GALNT18: variants seen among roughly 807,000 people sequenced by gnomAD.
The protein encoded by GALNT18 is GalNAc-transferase 18.
A neutral mutation model predicts 69.5 loss-of-function variants in GALNT18; 44 were observed. The ratio of observed to expected loss-of-function variants is 0.63; its 90% CI spans 0.50 to 0.81. GALNT18 has a LOEUF of 0.81. Among genes scored for constraint, GALNT18 ranks in the 40% least tolerant of loss-of-function variants. The probability of loss-of-function intolerance (pLI) is 0.00; values close to 1 mark genes in which losing one functional copy is unlikely to be tolerated. For missense variants in GALNT18, 715 were observed against 810.0 expected (o/e 0.88, Z 1.42); for synonymous variants, 364 against 318.2 (o/e 1.14, Z -1.53).
In GALNT18 at chr11:11,563,390, C is replaced by T. The variant is rs1236990116; in HGVS notation, c.235+57969G>A. On this transcript the variant is annotated intron_variant, in intron 1 of 10. Transcript: ENST00000227756. This position sits in a 1 kb window ranked among gnomAD's most constrained non-coding sequence, Gnocchi z 4.6. ...AGATCTGGACAGACAGGGTCTGCTGCCTTTAACTGCATTACTCTGAAGGTG... is the reference window on the plus strand; with the variant it reads ...AGATCTGGACAGACAGGGTCTGCTGTCTTTAACTGCATTACTCTGAAGGTG... 1.3e-5 allele frequency among the ~76,000 whole-genome samples: 2 copies of T among 152,170 alleles called. No individual in the cohort carries two copies. The highest frequency in any genetic ancestry group is 4.8e-5 in the African/African-American group (2 of 41,442).
At chr11:11,445,549 T>C (rs1391371835) in intron 2 of GALNT18, among the ~76,000 whole-genome samples, 1 of 152,178 alleles carries the variant, frequency 6.6e-6, no homozygotes, top group Non-Finnish European at 1.5e-5. Context: ...GGAGGCACTG[T>C]TTTACCTAAG....
intron 1 of GALNT18, among the ~76,000 whole-genome samples, chr11:11,509,439 A>C (rs575132483): frequency 6.6e-6 from 1 of 152,322 alleles, no homozygotes; most frequent in South Asian, 2.1e-4. Flanking sequence ...GAGCACTGTG[A>C]TTCTTAGGAC....
chr11:11,521,679 A>G (rs910073706), intron 1 of GALNT18, among the ~76,000 whole-genome samples: 1 of 152,174 alleles, frequency 6.6e-6, no homozygotes, highest in Non-Finnish European at 1.5e-5. Context: ...AAAATTGCTC[A>G]AAGCCACCTT....
intron 1 of GALNT18, among the ~76,000 whole-genome samples, chr11:11,610,961 T>C (rs1859884277): frequency 6.6e-6 from 1 of 152,198 alleles, no homozygotes; most frequent in African/African-American, 2.4e-5. Flanking sequence ...CAAAGCATTA[T>C]AACTGCAATA....
At position 11,538,511 on chromosome 11, in the gene GALNT18, G is replaced by T. The variant is rs1857835743; in HGVS notation, c.235+82848C>A. On this transcript the variant is annotated intron_variant, in intron 1 of 10. Coordinates refer to ENST00000227756, the MANE Select transcript of GALNT18 (RefSeq NM_198516.3). This position sits in a 1 kb window ranked among gnomAD's most constrained non-coding sequence, Gnocchi z 5.2. ...GACCAGCATACCACAAGCACCCTGTGGCCTCAGCAACTAGTGTGAACTTTT... is the reference window on the plus strand; with the variant it reads ...GACCAGCATACCACAAGCACCCTGTTGCCTCAGCAACTAGTGTGAACTTTT... 6.6e-6 allele frequency among the ~76,000 whole-genome samples: 1 copy of T among 152,216 alleles called. No individual in the cohort carries two copies. The highest frequency in any genetic ancestry group is 1.5e-5 in the Non-Finnish European group (1 of 68,040).
At chr11:11,274,650 A>G (rs904072660) in intron 10 of GALNT18, among the ~76,000 whole-genome samples, 2 of 152,208 alleles carry the variant, frequency 1.3e-5, no homozygotes, top group African/African-American at 2.4e-5. Context: ...TGCTGCACCC[A>G]TCAACCTGTC....
intron 1 of GALNT18, among the ~76,000 whole-genome samples, chr11:11,572,844 C>T (rs1858825840): frequency 6.6e-6 from 1 of 152,184 alleles, no homozygotes; most frequent in Non-Finnish European, 1.5e-5. Flanking sequence ...CATGAGTTGC[C>T]ATTTTGAATT....
Position 11,514,231 on chromosome 11 carries a change from C to A in GALNT18, c.236-65295G>T, listed in dbSNP as rs190493654. 3.9e-5 allele frequency among the ~76,000 whole-genome samples: 6 copies of A among 152,348 alleles called. No individual in the cohort carries two copies. In the East Asian group the frequency reaches 1.2e-3, roughly 29 times the overall value. Reference sequence around the variant, plus strand: ...GTAAGTGTTGGGGCCTATGCTTAAACCATATCTAGGTACTGGAGCTCCAAA... The same window carrying A: ...GTAAGTGTTGGGGCCTATGCTTAAAACATATCTAGGTACTGGAGCTCCAAA... On this transcript the variant is annotated intron_variant, in intron 1 of 10. Transcript: ENST00000227756.
chr11:11,416,836 C>G (rs1442081676), intron 3 of GALNT18, among the ~76,000 whole-genome samples: 1 of 152,180 alleles, frequency 6.6e-6, no homozygotes, highest in Non-Finnish European at 1.5e-5. Flanking sequence ...CATGGCACCT[C>G]AAAATGATAG....
rs530253605 is a variant in GALNT18, at chr11:11,377,866, G to T, written c.780-487C>A. 6.6e-6 allele frequency among the ~76,000 whole-genome samples: 1 copy of T among 152,192 alleles called. No individual in the cohort carries two copies. The highest frequency in any genetic ancestry group is 2.1e-4 in the South Asian group (1 of 4,810). Reference sequence around the variant, plus strand: ...TCCACCAGCCATGCGATGTTGCCCTGGAATGCCAGCTGTGCCACATCCACC... The same window carrying T: ...TCCACCAGCCATGCGATGTTGCCCTTGAATGCCAGCTGTGCCACATCCACC... On this transcript the variant is annotated intron_variant, in intron 4 of 10. Coordinates refer to ENST00000227756, the MANE Select transcript of GALNT18 (RefSeq NM_198516.3). This position sits in a 1 kb window ranked among gnomAD's most constrained non-coding sequence, Gnocchi z 4.6.
intron 6 of GALNT18, among the ~76,000 whole-genome samples, chr11:11,342,423 A>C (rs1010206189): frequency 6.6e-6 from 1 of 152,198 alleles, no homozygotes; most frequent in Admixed American, 6.5e-5. Flanking sequence ...CAGATATATA[A>C]CATGTACCCA....
chr11:11,274,616 A>G (rs1848898983), intron 10 of GALNT18, among the ~76,000 whole-genome samples: 1 of 152,188 alleles, frequency 6.6e-6, no homozygotes, highest in African/African-American at 2.4e-5. Context: ...TTTGTTACAT[A>G]GGTATATGCA....
At chr11:11,449,587 T>C (rs567654317) in intron 1 of GALNT18, among the ~76,000 whole-genome samples, 14 of 152,366 alleles carry the variant, frequency 9.2e-5, no homozygotes, top group African/African-American at 2.9e-4. Flanking sequence ...GCCCTGCTCA[T>C]GGGAGCCCTT....
At chr11:11,408,393 A>AATAT (rs1231126053) in intron 3 of GALNT18, among the ~76,000 whole-genome samples, 3 of 148,806 alleles carry the variant, frequency 2.0e-5, no homozygotes, top group Non-Finnish European at 3.0e-5. Context: ...AAAAAAAAGG[A>AATAT]ATATACCGCC....
At chr11:11,527,968 T>A (rs1857558023) in intron 1 of GALNT18, among the ~76,000 whole-genome samples, 1 of 152,250 alleles carries the variant, frequency 6.6e-6, no homozygotes, top group African/African-American at 2.4e-5. Context: ...ATATACCAGA[T>A]ACTGTGCTAA....
At chr11:11,378,493 C>T (rs935860400) in intron 4 of GALNT18, among the ~76,000 whole-genome samples, 2 of 152,212 alleles carry the variant, frequency 1.3e-5, no homozygotes, top group African/African-American at 2.4e-5. Flanking sequence ...GCCACTTGGG[C>T]CTTCTGTCTG....
chr11:11,579,064 C>T (rs1206418641), intron 1 of GALNT18, among the ~76,000 whole-genome samples: 4 of 152,190 alleles, frequency 2.6e-5, no homozygotes, highest in African/African-American at 4.8e-5. Context: ...GAGGGCGGCT[C>T]GGGTTTCCCA....
chr11:11,333,666 T>A (rs1850057842), intron 7 of GALNT18, among the ~76,000 whole-genome samples: 1 of 152,036 alleles, frequency 6.6e-6, no homozygotes, highest in Non-Finnish European at 1.5e-5. Flanking sequence ...CTAGAGTACT[T>A]GTTTCCCTCC....
rs1180913643 is a variant in GALNT18, at chr11:11,377,316, A to G, written c.843T>C (p.Asp281=). ...NRKRIISPSF[D]NIKYDNFEIE... ...TCTCAAAGTTGTCATATTTGATGTTATCAAAGGATGGCGAGATGATCCGCT... is the reference window on the plus strand; with the variant it reads ...TCTCAAAGTTGTCATATTTGATGTTGTCAAAGGATGGCGAGATGATCCGCT... The change falls in exon 5 of 11, where the codon GAT becomes GAC. Residue 281 remains aspartate, a synonymous_variant. Transcript: ENST00000227756. This position sits in a 1 kb window ranked among gnomAD's most constrained non-coding sequence, Gnocchi z 4.6. 6.2e-7 allele frequency: 1 copy of G among 1,614,062 alleles called. No individual in the cohort carries two copies. Among genetic ancestry groups the G allele is most frequent in the Non-Finnish European group, 8.5e-7 (1 of 1,179,996 alleles).
Sources: allele counts gnomAD v4.1 joint callset (sites outside exome capture counted in the v4.1 genomes callset), GRCh38; gene constraint gnomAD v4.1.1; non-coding constraint Gnocchi (gnomAD v3.1); transcripts MANE v1.5; gene names NCBI Gene and HGNC (gene_info 2026-07-23, HGNC 2026-07-21).